TBC1D4: variants seen among roughly 807,000 people sequenced by gnomAD.
TBC1D4 encodes TBC (Tre-2, BUB2, CDC16) domain-containing protein.
A neutral mutation model predicts 142.5 loss-of-function variants in TBC1D4; 121 were observed. The ratio of observed to expected loss-of-function variants is 0.85; its 90% CI spans 0.73 to 0.99. The LOEUF (loss-of-function observed/expected upper bound fraction) is 0.99, where lower values mean the gene tolerates loss of function less well. TBC1D4 is among the 50% of genes least tolerant of loss of function. The probability of loss-of-function intolerance (pLI) is 0.00; values close to 1 mark genes in which losing one functional copy is unlikely to be tolerated. For synonymous variants in TBC1D4, 630 were observed against 628.2 expected (o/e 1.00, Z -0.04); for missense variants, 1,475 against 1,606.6 (o/e 0.92, Z 1.40).
At chr13:75,337,251 G>A (rs1228855707) in intron 7 of TBC1D4, among the ~76,000 whole-genome samples, 1 of 152,138 alleles carries the variant, frequency 6.6e-6, no homozygotes, top group Non-Finnish European at 1.5e-5. Context: ...AAAGACAGAT[G>A]TAAAATATTT....
At chr13:75,349,038 G>A in intron 5 of TBC1D4, 132 bp downstream of exon 5, 2 of 1,363,986 alleles carry the variant, frequency 1.5e-6, no homozygotes, top group Non-Finnish European at 2.0e-6. Context: ...ACATTTGAGT[G>A]GACATGAGAA....
At chr13:75,334,614 C>CA (rs1593745627) in intron 8 of TBC1D4, among the ~76,000 whole-genome samples, 1 of 151,864 alleles carries the variant, frequency 6.6e-6, no homozygotes, top group East Asian at 1.9e-4. Flanking sequence ...GACAGGGTCT[C>CA]ACTCTGTCTC....
intron 1 of TBC1D4, among the ~76,000 whole-genome samples, chr13:75,415,241 T>G (rs567473600): frequency 6.6e-6 from 1 of 152,180 alleles, no homozygotes; most frequent in African/African-American, 2.4e-5. Context: ...AGAATTGGTT[T>G]TAGACATACT....
intron 13 of TBC1D4, among the ~76,000 whole-genome samples, chr13:75,310,775 G>A (rs1877668315): frequency 6.6e-6 from 1 of 152,188 alleles, no homozygotes; most frequent in African/African-American, 2.4e-5. Context: ...TACCTGAGAG[G>A]TAGTTTTTCA....
At chr13:75,430,225 C>A (rs1886540783) in intron 1 of TBC1D4, among the ~76,000 whole-genome samples, 1 of 152,178 alleles carries the variant, frequency 6.6e-6, no homozygotes. Context: ...ACTCTATAAT[C>A]TTGATAGATG....
intron 1 of TBC1D4, among the ~76,000 whole-genome samples, chr13:75,388,877 C>T (rs6562892): frequency 0.98 from 149,976 of 152,316 alleles, 73,880 homozygotes; most frequent in East Asian, 1. Context: ...ATTAAAATTT[C>T]ATGCCTTCCA....
chr13:75,305,355 A>G (rs118147019), intron 15 of TBC1D4, among the ~76,000 whole-genome samples: 2,577 of 152,354 alleles, frequency 0.017, 30 homozygotes, highest in Middle Eastern at 0.041. Context: ...TGTATCCAAT[A>G]AGAAATAGGA....
chr13:75,379,969 A>G (rs1883732567), intron 1 of TBC1D4, among the ~76,000 whole-genome samples: 1 of 133,636 alleles, frequency 7.5e-6, no homozygotes, highest in Non-Finnish European at 1.5e-5. Context: ...GCAGTGGTGC[A>G]GTCTTGGCTC....
Position 75,317,929 on chromosome 13 carries a change from C to A in TBC1D4, c.2222+2085G>T, listed in dbSNP as rs548898317. On this transcript the variant is annotated intron_variant, in intron 12 of 20. Transcript: ENST00000377636. ...AGGGTAGGAAGGCTATTTCCAAGTC[C>A]TTTGTATATAGGATCCATCAAATGC... Among the ~76,000 whole-genome samples the A allele has an allele frequency of 2.4e-4, 37 of 152,122 alleles. 1 individual carries two copies. The highest frequency in any genetic ancestry group is 5.0e-4 in the Non-Finnish European group (34 of 68,006).
At position 75,341,229 on chromosome 13, in the gene TBC1D4, TC is replaced by T; in HGVS notation, c.1506del (p.Met502IlefsTer13). 1.2e-6 allele frequency: 2 copies of T among 1,613,666 alleles called. No individual in the cohort carries two copies. Among genetic ancestry groups the T allele is most frequent in the Non-Finnish European group, 1.7e-6 (2 of 1,179,806 alleles). The part of the protein sequence containing the change: ...QADIFERVQK[M>X]KPVSDQEENE... The stretch of plus-strand genomic sequence containing the variant: ...TTTTCTTCCTGGTCACTGACTGGCT[TC>T]ATTTTCTGTTCAACAGACAAACCAA... On this transcript the variant is annotated frameshift_variant, in exon 7 of 21. Coordinates refer to ENST00000377636, the MANE Select transcript of TBC1D4 (RefSeq NM_014832.5). LOFTEE classifies it high-confidence loss of function.
chr13:75,415,304 G>A (rs1885870115), intron 1 of TBC1D4, among the ~76,000 whole-genome samples: 1 of 152,196 alleles, frequency 6.6e-6, no homozygotes, highest in East Asian at 1.9e-4. Context: ...AGTGCTGGTG[G>A]CTGTTAAGCT....
At chr13:75,309,298 A>C (rs907103911) in intron 14 of TBC1D4, among the ~76,000 whole-genome samples, 5 of 152,116 alleles carry the variant, frequency 3.3e-5, no homozygotes, top group Non-Finnish European at 5.9e-5. Context: ...TGGTAATCAT[A>C]ATCTTAGCAA....
At chr13:75,344,464 C>T (rs1880992229) in intron 5 of TBC1D4, among the ~76,000 whole-genome samples, 2 of 152,130 alleles carry the variant, frequency 1.3e-5, no homozygotes, top group South Asian at 4.2e-4. Flanking sequence ...TTCCTTCCTC[C>T]CAGCAACTGG....
intron 1 of TBC1D4, among the ~76,000 whole-genome samples, chr13:75,410,175 A>T (rs758296696): frequency 1.3e-5 from 2 of 152,286 alleles, no homozygotes; most frequent in South Asian, 2.1e-4. Flanking sequence ...TATAATTACT[A>T]TGTTTGATAT....
chr13:75,461,056 A>C (rs957647150), intron 1 of TBC1D4, among the ~76,000 whole-genome samples: 8 of 152,248 alleles, frequency 5.3e-5, no homozygotes, highest in African/African-American at 1.9e-4. Context: ...TTCAGACATA[A>C]AAATGTGTTT....
At chr13:75,301,426 G>C (rs1198109881) in intron 16 of TBC1D4, among the ~76,000 whole-genome samples, 2 of 152,096 alleles carry the variant, frequency 1.3e-5, no homozygotes, top group Non-Finnish European at 2.9e-5. Flanking sequence ...TGGATCACGA[G>C]GTCAGGAGAT....
intron 5 of TBC1D4, among the ~76,000 whole-genome samples, chr13:75,343,090 T>C (rs563097023): frequency 2.0e-5 from 3 of 152,362 alleles, no homozygotes; most frequent in African/African-American, 7.2e-5. Flanking sequence ...TATTAGTCTA[T>C]AAGTACATTG....
At chr13:75,343,503 G>GTTTATTTTAT (rs551919027) in intron 5 of TBC1D4, among the ~76,000 whole-genome samples, 83 of 152,080 alleles carry the variant, frequency 5.5e-4, no homozygotes, top group African/African-American at 1.9e-3. Flanking sequence ...CACTATCACA[G>GTTTATTTTAT]TTTATTTTAT....
chr13:75,303,753 A>G (rs932497907), intron 15 of TBC1D4, among the ~76,000 whole-genome samples: 1 of 152,146 alleles, frequency 6.6e-6, no homozygotes, highest in African/African-American at 2.4e-5. Flanking sequence ...GGCCTCTACA[A>G]TATAGCTCCA....
Sources: allele counts gnomAD v4.1 joint callset (sites outside exome capture counted in the v4.1 genomes callset), GRCh38; gene constraint gnomAD v4.1.1; transcripts MANE v1.5; gene names NCBI Gene and HGNC (gene_info 2026-07-23, HGNC 2026-07-21).